ANKMY1: variants seen among roughly 807,000 people sequenced by gnomAD.
ANKMY1 encodes ankyrin repeat and MYND domain containing 1.
Under a neutral mutation model 102.0 loss-of-function variants are expected in ANKMY1, and 98 were observed. That is an observed-to-expected ratio of 0.96 (90% CI 0.82 to 1.14). ANKMY1 has a LOEUF of 1.14. Among genes scored for constraint, ANKMY1 ranks in the 50% most tolerant of loss-of-function variants. The pLI is 0.00. For synonymous variants in ANKMY1, 582 were observed against 559.9 expected, an observed-to-expected ratio of 1.04 and a Z score of -0.56; for missense variants, 1,330 against 1,347.6, an observed-to-expected ratio of 0.99 and a Z score of 0.20.
chr2:240,511,909 C>A lies in ANKMY1; in HGVS notation c.2238G>T (p.Gly746=), dbSNP rs756577028. The change falls in exon 11 of 18, where the codon GGG becomes GGT. Residue 746 remains glycine, a synonymous_variant. Transcript: ENST00000401804. ...AGGCCATGTGCAGAGCCGTCCTGCCCCCCTCCTCCGGGAGGGCTGTGTCCG... is the reference window on the plus strand; with the variant it reads ...AGGCCATGTGCAGAGCCGTCCTGCCACCCTCCTCCGGGAGGGCTGTGTCCG... The part of the protein sequence containing the change: ...YSTDTALPEE[G]GRTALHMACE... 4.4e-6 allele frequency: 7 copies of A among 1,585,268 alleles called. No individual in the cohort carries two copies. The East Asian group carries it at 7.2e-5, about 16-fold the overall frequency.
rs1365415297 is a variant in ANKMY1 at position 240,520,999 on chromosome 2, G to T, written c.1833-466C>A. On this transcript the variant is annotated intron_variant, in intron 8 of 17. Transcript: ENST00000401804. The surrounding 1 kb of genome is among the most constrained non-coding windows in gnomAD (Gnocchi z 4.8). ...ACCACAAAGACACAAACACACAGGC[G>T]CACACACACCTCTGAGGGGTCACTG... Among the ~76,000 whole-genome samples, 2 of 151,898 alleles carry T rather than the reference G, an allele frequency of 1.3e-5. No individual in the cohort carries two copies. The highest frequency in any genetic ancestry group is 2.9e-5 in the Non-Finnish European group (2 of 67,978).
At chr2:240,552,800 A>G in intron 4 of ANKMY1, 114 bp downstream of exon 4, 1 of 1,513,798 alleles carries the variant, frequency 6.6e-7, no homozygotes, top group South Asian at 1.1e-5. Flanking sequence ...AAAGTAAAAA[A>G]GCTACTTGTA....
chr2:240,497,288 C>T (rs1234439178), intron 15 of ANKMY1, among the ~76,000 whole-genome samples: 1 of 152,220 alleles, frequency 6.6e-6, no homozygotes, highest in African/African-American at 2.4e-5. Flanking sequence ...CACCTCCTGG[C>T]CATCTTGGAA....
intron 9 of ANKMY1, among the ~76,000 whole-genome samples, chr2:240,514,307 C>T (rs958831445): frequency 6.6e-6 from 1 of 152,170 alleles, no homozygotes; most frequent in East Asian, 1.9e-4. Flanking sequence ...GTAGGGAGAG[C>T]ACAATAGAGA....
intron 8 of ANKMY1, chr2:240,523,134 G>A (rs35244371): frequency 0.15 from 22,405 of 152,126 alleles, 2,730 homozygotes; most frequent in East Asian, 0.68. Flanking sequence ...CATGTTTTCC[G>A]ACCCAGAATA....
intron 16 of ANKMY1, 114 bp downstream of exon 16, chr2:240,482,069 G>A (rs2075459541): frequency 8.5e-7 from 1 of 1,183,212 alleles, no homozygotes; most frequent in Admixed American, 2.3e-5. Context: ...TGCCACTTGG[G>A]GGTCAGATGG....
the ANKMY1 span, among the ~76,000 whole-genome samples, chr2:240,471,999 C>T: frequency 0.014 from 2,116 of 152,280 alleles, 38 homozygotes; most frequent in African/African-American, 0.049. Context: ...CCGAAATAGC[C>T]CTGTAAGTCA....
intron 13 of ANKMY1, 102 bp downstream of exon 13, chr2:240,507,457 TC>T: frequency 1.0e-6 from 1 of 956,706 alleles, no homozygotes. Flanking sequence ...CCCACTCCCC[TC>T]CCCGCTCATC....
chr2:240,541,667 T>C (rs1422619502), intron 4 of ANKMY1, among the ~76,000 whole-genome samples: 1 of 152,056 alleles, frequency 6.6e-6, no homozygotes, highest in East Asian at 1.9e-4. Context: ...CACACCTGGC[T>C]AATTTTTTGT....
intron 4 of ANKMY1, 22 bp downstream of exon 4, chr2:240,552,892 G>A (rs1176686173): frequency 3.1e-6 from 5 of 1,612,766 alleles, no homozygotes; most frequent in African/African-American, 1.3e-5. Flanking sequence ...GACCCCAGCT[G>A]AACACATGGC....
chr2:240,511,205 C>A (rs938335671), intron 11 of ANKMY1, among the ~76,000 whole-genome samples: 4 of 152,222 alleles, frequency 2.6e-5, no homozygotes, highest in African/African-American at 9.6e-5. Context: ...CACACTCATC[C>A]TCACGCTCAT....
intron 17 of ANKMY1, 78 bp from the exon 18 acceptor site, chr2:240,479,733 G>A (rs1174179475): frequency 4.7e-6 from 6 of 1,289,592 alleles, no homozygotes; most frequent in Middle Eastern, 2.4e-4. Context: ...TCCAGAACTC[G>A]GGCTGTGTGG....
Position 240,552,952 on chromosome 2 carries a change from C to T in ANKMY1, c.442G>A (p.Gly148Ser), listed in dbSNP as rs1559387270. 8.1e-6 allele frequency: 13 copies of T among 1,613,936 alleles called. No homozygotes were observed. Among genetic ancestry groups the T allele is most frequent in the African/African-American group, 2.7e-5 (2 of 74,892 alleles). The stretch of plus-strand genomic sequence containing the variant: ...GTCTTCATGTACATGGTGCCGTAGC[C>T]TTCTCGGTGGCTGAGGTAAAATGTG... ...TGTFYLSHRE[G>S]YGTMYMKTRL... The change falls in exon 4 of 18, where the codon GGC becomes AGC. Residue 148 changes from glycine to serine, a missense_variant. Physicochemically the swap from Gly to Ser is moderately conservative, Grantham distance 56. Transcript: ENST00000401804.
At position 240,527,022 on chromosome 2, in the gene ANKMY1, T is replaced by C. The variant is rs996967350; in HGVS notation, c.954-577A>G. The C allele has an allele frequency of 2.4e-5, 24 of 991,390 alleles. No homozygotes were observed. In the African/African-American group the frequency reaches 3.3e-4, roughly 14 times the overall value. 61.4% of individuals were successfully genotyped at this position (991,390 alleles called of 1,614,324 possible). ...ACAAGCCCAGTTGATGTCTGCATGA[T>C]GGATGGATGGATGGTTGGGTAGGTG... On this transcript the variant is annotated intron_variant, in intron 5 of 17. Transcript: ENST00000401804.
intron 4 of ANKMY1, among the ~76,000 whole-genome samples, chr2:240,541,620 A>G (rs545848149): frequency 6.2e-4 from 93 of 149,090 alleles, no homozygotes; most frequent in African/African-American, 2.3e-3. Context: ...CTCCTGCCTC[A>G]GCCTCCAGAG....
At chr2:240,490,514 C>T (rs756909202) in intron 15 of ANKMY1, among the ~76,000 whole-genome samples, 15 of 152,120 alleles carry the variant, frequency 9.9e-5, no homozygotes, top group Non-Finnish European at 2.1e-4. Flanking sequence ...TTAATTTCTT[C>T]GTTGACTCAA....
chr2:240,515,361 C>T (rs529008436), intron 9 of ANKMY1, among the ~76,000 whole-genome samples: 2 of 152,196 alleles, frequency 1.3e-5, no homozygotes, highest in South Asian at 4.2e-4. Context: ...ATGGTGAAAC[C>T]TCGCCTCTAC....
At position 240,529,128 on chromosome 2, in the gene ANKMY1, T is replaced by C. The variant is rs1165804032; in HGVS notation, c.862A>G (p.Ile288Val). ...ELDARIFLNEIPPFVEDGEPW... is the reference protein window; with the variant it reads ...ELDARIFLNEVPPFVEDGEPW... ...TCTCCATCCTCAACGAACGGAGGAA[T>C]TTCATTGAGGAAGATGCGGGCGTCC... Residue 288 changes from isoleucine (I) to valine (V), a missense_variant, in exon 5 of 18, where the codon ATT becomes GTT. By Grantham distance (29) the Ile-to-Val change is conservative. Coordinates refer to ENST00000401804, the MANE Select transcript of ANKMY1 (RefSeq NM_001282771.3). This position sits in a 1 kb window ranked among gnomAD's most constrained non-coding sequence, Gnocchi z 4.2. 1.9e-6 allele frequency: 3 copies of C among 1,614,148 alleles called. No homozygotes were observed. Among genetic ancestry groups the C allele is most frequent in the East Asian group, 2.2e-5 (1 of 44,874 alleles).
At position 240,500,235 on chromosome 2, in the gene ANKMY1, G is replaced by A. The variant is rs565077569; in HGVS notation, c.2641-112C>T. The A allele has an allele frequency of 2.0e-5, 27 of 1,337,936 alleles. No homozygotes were observed. In the East Asian group the frequency reaches 2.5e-4, roughly 13 times the overall value. The allele number at this position is 1,337,936 out of a possible 1,614,324, so 82.9% of individuals were successfully genotyped here. ...GCTCTTGTGATATATAACTGAGGAC[G>A]AACCCAGACAGACACACAAAGCTGG... On this transcript the variant is annotated intron_variant, in intron 14 of 17. Transcript: ENST00000401804.
Sources: gnomAD v4.1 joint callset for allele counts (sites outside exome capture counted in the v4.1 genomes callset) on GRCh38, gnomAD v4.1.1 for gene constraint, Gnocchi (gnomAD v3.1) non-coding constraint, MANE v1.5 for transcripts, NCBI Gene and HGNC (gene_info 2026-07-23, HGNC 2026-07-21) for gene names.